The following TRIM65 variants were observed in gnomAD, a reference collection of about 807,000 sequenced individuals.
TRIM65 encodes tripartite motif containing 65, also known as E3 ubiquitin-protein ligase TRIM65.
In TRIM65, 46 loss-of-function variants were observed where a neutral mutation model predicts 36.1. That is an observed-to-expected ratio of 1.27 (90% CI 1.01 to 1.63). TRIM65 has a LOEUF of 1.63. Ranked by LOEUF, TRIM65 falls within the 40% of genes most tolerant of loss-of-function variation. TRIM65 has a pLI of 0.00. For synonymous variants in TRIM65, 346 were observed against 313.6 expected (o/e 1.10, Z -1.09); for missense variants, 708 against 696.6 (o/e 1.02, Z -0.18).
At chr17:75,892,973 A>G in intron 1 of TRIM65, 123 bp from the exon 2 acceptor site, 3 of 789,844 alleles carry the variant, frequency 3.8e-6, no homozygotes, top group South Asian at 1.7e-5. Context: ...ACCCCAGGCC[A>G]GCCTCCAGAG....
Position 75,896,523 on chromosome 17 carries a change from C to A in TRIM65, c.414+1G>T. 7.5e-7 allele frequency: 1 copy of A among 1,325,766 alleles called. No homozygotes were observed. Among genetic ancestry groups the A allele is most frequent in the Non-Finnish European group, 9.6e-7 (1 of 1,039,880 alleles). The allele number at this position is 1,325,766 out of a possible 1,614,324, so 82.1% of individuals were successfully genotyped here. ...CCTCCCGCTCCCGGCGGATGCGTCA[C>A]CTCGCGCTTGAGGCGCTCGGCATCC... On this transcript the variant is annotated splice_donor_variant, in intron 1 of 5. Coordinates refer to ENST00000269383, the MANE Select transcript of TRIM65 (RefSeq NM_173547.4). LOFTEE classifies it high-confidence loss of function.
At position 75,890,755 on chromosome 17, in the gene TRIM65, C is replaced by T. The variant is rs76511039; in HGVS notation, c.*24G>A. ...GCACATAGGCATGGTGGCAGCTATG[C>T]CAGGGCTCCATCCCATGCCTTCTTC... On this transcript the variant is annotated 3_prime_UTR_variant, in exon 6 of 6. Coordinates refer to ENST00000269383, the MANE Select transcript of TRIM65 (RefSeq NM_173547.4). 2.8e-6 allele frequency: 4 copies of T among 1,438,336 alleles called. No homozygotes were observed. The highest frequency in any genetic ancestry group is 3.7e-6 in the Non-Finnish European group (4 of 1,095,860). 89.1% of individuals were successfully genotyped at this position (1,438,336 alleles called of 1,614,324 possible). A position where few individuals can be genotyped will look rare whatever the true frequency, so the allele number is the denominator to read the frequency against.
At chr17:75,879,683 A>G (rs1354670851), downstream of TRIM65, 1 of 150,872 alleles carries the variant, frequency 6.6e-6, no homozygotes, top group Non-Finnish European at 1.5e-5. Flanking sequence ...CCATGCCGAT[A>G]TAAATAAATA....
At chr17:75,894,675 G>A (rs142710702) in intron 1 of TRIM65, among the ~76,000 whole-genome samples, 2,004 of 152,332 alleles carry the variant, frequency 0.013, 53 homozygotes, top group African/African-American at 0.046. Context: ...GACTACAGGC[G>A]CCCGCCACCA....
chr17:75,892,762 T>C lies in TRIM65; in HGVS notation c.503A>G (p.Gln168Arg). Residue 168 changes from glutamine to arginine, a missense_variant, in exon 2 of 6, where the codon CAG becomes CGG. Coordinates refer to ENST00000269383, the MANE Select transcript of TRIM65 (RefSeq NM_173547.4). ...QLLELRKQSS[Q>R]IQNSACILAS... is the part of the protein sequence containing the mutation. Reference sequence around the variant, plus strand: ...CAGGCACAGGCCTCGTACCTGGATCTGGCTGCTTTGCTTGCGCAGCTCTAG... The same window carrying C: ...CAGGCACAGGCCTCGTACCTGGATCCGGCTGCTTTGCTTGCGCAGCTCTAG... The C allele has an allele frequency of 1.2e-6, 2 of 1,603,788 alleles. No individual in the cohort carries two copies. The highest frequency in any genetic ancestry group is 1.7e-5 in the Admixed American group (1 of 60,006).
At chr17:75,893,979 T>C (rs1438915678) in intron 1 of TRIM65, among the ~76,000 whole-genome samples, 1 of 152,198 alleles carries the variant, frequency 6.6e-6, no homozygotes, top group East Asian at 1.9e-4. Context: ...CCTCGGCGGC[T>C]TCAGCAGCTA....
chr17:75,893,024 C>G (rs1680715501), intron 1 of TRIM65, among the ~76,000 whole-genome samples, 174 bp from the exon 2 acceptor site: 1 of 152,062 alleles, frequency 6.6e-6, no homozygotes, highest in Non-Finnish European at 1.5e-5. Context: ...GGGGCCGTGC[C>G]CCGGGGGGGT....
At position 75,892,195 on chromosome 17, in the gene TRIM65, A is replaced by C; in HGVS notation, c.745-10T>G. 1 of 1,575,928 alleles carries C rather than the reference A, an allele frequency of 6.3e-7. No individual in the cohort carries two copies. Among genetic ancestry groups the C allele is most frequent in the Middle Eastern group, 1.7e-4 (1 of 6,004 alleles). On this transcript the variant is annotated splice_polypyrimidine_tract_variant and intron_variant, in intron 3 of 5. Coordinates refer to ENST00000269383, the MANE Select transcript of TRIM65 (RefSeq NM_173547.4). ...GGAGGAGCTGCGATTCCTGAGCCCCAGGGAGAACAAGTAAGCCTGGGCCTG... is the reference window on the plus strand; with the variant it reads ...GGAGGAGCTGCGATTCCTGAGCCCCCGGGAGAACAAGTAAGCCTGGGCCTG...
At chr17:75,883,526 G>T (rs922823213) in intron 4 of TRIM65, among the ~76,000 whole-genome samples, 6 of 118,334 alleles carry the variant, frequency 5.1e-5, no homozygotes, top group Non-Finnish European at 9.5e-5. Context: ...CTCTGAACAA[G>T]TTTTTTTTTT....
At chr17:75,893,022 G>A (rs1007517819) in intron 1 of TRIM65, among the ~76,000 whole-genome samples, 172 bp from the exon 2 acceptor site, 4 of 152,222 alleles carry the variant, frequency 2.6e-5, no homozygotes, top group Admixed American at 6.5e-5. Context: ...TTGGGGCCGT[G>A]CCCCGGGGGG....
intron 4 of TRIM65, among the ~76,000 whole-genome samples, chr17:75,881,585 C>G (rs757464511): frequency 6.6e-5 from 10 of 150,664 alleles, no homozygotes; most frequent in Admixed American, 1.3e-4. Context: ...GAATGAGGCT[C>G]CGCCCACCTG....
At position 75,896,848 on chromosome 17, in the gene TRIM65, G is replaced by C. The variant is rs1019311346; in HGVS notation, c.90C>G (p.Asn30Lys). 1.2e-5 allele frequency: 19 copies of C among 1,530,570 alleles called. No homozygotes were observed. Among genetic ancestry groups the C allele is most frequent in the Non-Finnish European group, 1.7e-5 (19 of 1,141,482 alleles). 94.8% of individuals were successfully genotyped at this position (1,530,570 alleles called of 1,614,324 possible). Residue 30 changes from asparagine (N) to lysine (K), a missense_variant, in exon 1 of 6, where the codon AAC becomes AAG. Coordinates refer to ENST00000269383, the MANE Select transcript of TRIM65 (RefSeq NM_173547.4). ...QDPVTLPCGH[N>K]FCGACIRDWW... is the part of the protein sequence containing the mutation. ...AGTCCCGGATGCAGGCCCCGCAGAA[G>C]TTGTGGCCGCAGGGCAGCGTCACTG...
At chr17:75,885,205 C>T (rs1282903732), downstream of TRIM65, among the ~76,000 whole-genome samples, 2 of 152,068 alleles carry the variant, frequency 1.3e-5, no homozygotes, top group Non-Finnish European at 2.9e-5. Flanking sequence ...GGATTACAGG[C>T]GTGAGCCACT....
At chr17:75,886,534 A>C (rs2065208750), downstream of TRIM65, among the ~76,000 whole-genome samples, 1 of 151,694 alleles carries the variant, frequency 6.6e-6, no homozygotes, top group Admixed American at 6.6e-5. Context: ...AAAAAAAAAA[A>C]AAAAAAAACC....
At position 75,892,163 on chromosome 17, in the gene TRIM65, G is replaced by C; in HGVS notation, c.767C>G (p.Pro256Arg). 6.4e-7 allele frequency: 1 copy of C among 1,569,784 alleles called. No individual in the cohort carries two copies. Residue 256 changes from proline to arginine, a missense_variant, in exon 4 of 6, where the codon CCA becomes CGA. Physicochemically the swap from Pro to Arg is moderately radical, Grantham distance 103 (BLOSUM62 -2). Coordinates refer to ENST00000269383, the MANE Select transcript of TRIM65 (RefSeq NM_173547.4). ...AGGGGTCAGTGGCCCAAGAGGCCCT[G>C]GGGGCTGGAGGAGCTGCGATTCCTG... Reference protein sequence around the residue: ...FLQESQLLQPPGPLGPLTPLQ... With the variant: ...FLQESQLLQPRGPLGPLTPLQ...
At position 75,892,833 on chromosome 17, in the gene TRIM65, G is replaced by A. The variant is rs777078931; in HGVS notation, c.432C>T (p.Ser144=). ...RLKREAQLRA[S]LEVTQQQATQ... The stretch of plus-strand genomic sequence containing the variant: ...TGGCCTGCTGCTGGGTAACCTCCAG[G>A]CTGGCTCTCAGCTGGGCCTGTGGTG... Residue 144 remains serine, a synonymous_variant, in exon 2 of 6, where the codon AGC becomes AGT. Transcript: ENST00000269383. 1 of 1,602,890 alleles carries A rather than the reference G, an allele frequency of 6.2e-7. No individual in the cohort carries two copies. The highest frequency in any genetic ancestry group is 1.7e-5 in the Admixed American group (1 of 60,016).
chr17:75,891,112 G>C lies in TRIM65; in HGVS notation c.1221C>G (p.Cys407Trp). ...TGTTGTCTGTGTGGGGCCCCAGCCTGCACCGTGGCAGTTGCGGGTAGGAGA... is the reference window on the plus strand; with the variant it reads ...TGTTGTCTGTGTGGGGCCCCAGCCTCCACCGTGGCAGTTGCGGGTAGGAGA... ...LGVSYPQLPR[C>W]RLGPHTDNIG... Residue 407 changes from cysteine to tryptophan, a missense_variant, in exon 6 of 6, where the codon TGC becomes TGG. By Grantham distance (215) the Cys-to-Trp change is radical (BLOSUM62 -2). Transcript: ENST00000269383. The C allele has an allele frequency of 6.2e-7, 1 of 1,609,254 alleles. No homozygotes were observed. The highest frequency in any genetic ancestry group is 8.5e-7 in the Non-Finnish European group (1 of 1,179,898).
rs765158182 is a variant in TRIM65, at chr17:75,891,059, A to G, written c.1274T>C (p.Leu425Pro). The G allele has an allele frequency of 6.2e-7, 1 of 1,612,302 alleles. No individual in the cohort carries two copies. The highest frequency in any genetic ancestry group is 2.2e-5 in the East Asian group (1 of 44,876). The change falls in exon 6 of 6, where the codon CTC (leucine) becomes CCC (proline). Residue 425 changes from leucine to proline, a missense_variant. By Grantham distance (98) the Leu-to-Pro change is moderately conservative (BLOSUM62 -3). Transcript: ENST00000269383. ...NIGRGPCSWG[L>P]CVQEDSLQAW... is the part of the protein sequence containing the mutation. ...CTGGAGGCTGTCCTCCTGGACGCAG[A>G]GCCCCCAGGAGCAGGGTCCCCGGCC...
chr17:75,891,379 G>A (rs1366570314), intron 5 of TRIM65, 32 bp from the exon 6 acceptor site: 1 of 1,606,066 alleles, frequency 6.2e-7, no homozygotes, highest in South Asian at 1.1e-5. Context: ...CAGTGGGCTG[G>A]GGGAAGACAG....
Sources: allele counts gnomAD v4.1 joint callset (sites outside exome capture counted in the v4.1 genomes callset), GRCh38; gene constraint gnomAD v4.1.1; transcripts MANE v1.5; gene names NCBI Gene and HGNC (gene_info 2026-07-23, HGNC 2026-07-21).